RYR1: variants seen among roughly 807,000 people sequenced by gnomAD.
RYR1 encodes central core disease of muscle.
RYR1 carries 342 observed loss-of-function variants against 583.5 expected under a neutral mutation model. The ratio of observed to expected loss-of-function variants is 0.59; its 90% CI spans 0.54 to 0.64. The LOEUF (loss-of-function observed/expected upper bound fraction) is 0.64. Among genes scored for constraint, RYR1 ranks in the 30% least tolerant of loss-of-function variants. The pLI is 0.00. For missense variants in RYR1, 6,032 were observed against 6,917.2 expected, an observed-to-expected ratio of 0.87 and a Z score of 4.54; for synonymous variants, 2,791 against 2,822.5, an observed-to-expected ratio of 0.99 and a Z score of 0.35.
At chr19:38,547,290 A>G (rs1972475902) in intron 88 of RYR1, among the ~76,000 whole-genome samples, 1 of 147,732 alleles carries the variant, frequency 6.8e-6, no homozygotes, top group Admixed American at 6.9e-5. Flanking sequence ...TGACTTCGTG[A>G]TCCTCCCGCC....
chr19:38,584,573 C>T (rs1974376422), intron 101 of RYR1, among the ~76,000 whole-genome samples: 1 of 57,318 alleles, frequency 1.7e-5, no homozygotes, highest in African/African-American at 7.8e-5. Flanking sequence ...ACCCCTCTGC[C>T]TGTGCCCCCC....
In RYR1 at chr19:38,455,967, G is replaced by GTTT. The variant is rs201725585; in HGVS notation, c.1791+236_1791+238dup. On this transcript the variant is annotated intron_variant, in intron 16 of 105. Coordinates refer to ENST00000359596, the MANE Select transcript of RYR1 (RefSeq NM_000540.3). Reference sequence around the variant, plus strand: ...ATGTGCTTGGTTAGATCTCTGAAATGTTTTTTTTTTTTTTTTTTTTTTGAG... The same window carrying GTTT: ...ATGTGCTTGGTTAGATCTCTGAAATGTTTTTTTTTTTTTTTTTTTTTTTTTGAG... 7.3e-3 allele frequency among the ~76,000 whole-genome samples: 796 copies of GTTT among 108,426 alleles called. 26 individuals carry two copies. The highest frequency in any genetic ancestry group is 0.019 in the African/African-American group (508 of 26,184). The allele number at this position is 108,426 out of a possible 152,430, so 71.1% of individuals were successfully genotyped here. A position where few individuals can be genotyped will look rare whatever the true frequency, so the allele number is the denominator to read the frequency against.
Position 38,500,496 on chromosome 19 carries a change from G to C in RYR1, c.7324-110G>C, listed in dbSNP as rs1451548482. ...GGCTGGAAACTCTAGACAGCCTCCT[G>C]AGAAAGAGGCCTGCTCTACCCTCCT... On this transcript the variant is annotated intron_variant, in intron 45 of 105. Coordinates refer to ENST00000359596, the MANE Select transcript of RYR1 (RefSeq NM_000540.3). This position sits in a 1 kb window ranked among gnomAD's most constrained non-coding sequence, Gnocchi z 5.9. 1 of 1,503,136 alleles carries C rather than the reference G, an allele frequency of 6.7e-7. No homozygotes were observed. The allele number at this position is 1,503,136 out of a possible 1,614,324, so 93.1% of individuals were successfully genotyped here. A position where few individuals can be genotyped will look rare whatever the true frequency, so the allele number is the denominator to read the frequency against.
intron 76 of RYR1, among the ~76,000 whole-genome samples, chr19:38,531,707 C>A (rs1489336651): frequency 1.3e-5 from 2 of 152,068 alleles, no homozygotes; most frequent in African/African-American, 4.8e-5. Context: ...GAGTTTGAGA[C>A]CAGCCTGGGC....
chr19:38,508,870 G>T (rs903327267), intron 58 of RYR1, among the ~76,000 whole-genome samples: 1 of 151,956 alleles, frequency 6.6e-6, no homozygotes, highest in African/African-American at 2.4e-5. Context: ...CATAATTCTG[G>T]TGTTCACAGG....
At position 38,446,679 on chromosome 19, in the gene RYR1, C is replaced by G. The variant is rs759410511; in HGVS notation, c.726-15C>G. On this transcript the variant is annotated splice_polypyrimidine_tract_variant and intron_variant, in intron 8 of 105. Transcript: ENST00000359596. ...GGAGCTGAACCCTTGACTTCACTCTCTTCTGTGTCCCCAGACTTGTCTACT... is the reference window on the plus strand; with the variant it reads ...GGAGCTGAACCCTTGACTTCACTCTGTTCTGTGTCCCCAGACTTGTCTACT... 1.7e-5 allele frequency: 28 copies of G among 1,613,336 alleles called. No individual in the cohort carries two copies. Among genetic ancestry groups the G allele is most frequent in the Non-Finnish European group, 2.1e-5 (25 of 1,179,332 alleles).
rs757310944 is a variant in RYR1 at position 38,479,290 on chromosome 19, A to G, written c.4620+690A>G. Among the ~76,000 whole-genome samples the G allele has an allele frequency of 9.8e-5, 15 of 152,376 alleles. No homozygotes were observed. The East Asian group carries it at 2.5e-3, about 25-fold the overall frequency. ...ACCCACCACCTGGAATCTACTATCAATGTTGTAGATATTGGCTTTATCACA... is the reference window on the plus strand; with the variant it reads ...ACCCACCACCTGGAATCTACTATCAGTGTTGTAGATATTGGCTTTATCACA... On this transcript the variant is annotated intron_variant, in intron 31 of 105. Coordinates refer to ENST00000359596, the MANE Select transcript of RYR1 (RefSeq NM_000540.3).
At chr19:38,486,277 ATCC>A (rs1428002067) in intron 34 of RYR1, 75 bp downstream of exon 34, 4 of 1,574,852 alleles carry the variant, frequency 2.5e-6, no homozygotes, top group Admixed American at 3.3e-5. Context: ...ACATGCATCA[ATCC>A]TCCTCTATTT....
At chr19:38,574,581 A>G (rs2145877819) in intron 96 of RYR1, among the ~76,000 whole-genome samples, 1 of 152,030 alleles carries the variant, frequency 6.6e-6, no homozygotes, top group South Asian at 2.1e-4. Context: ...GCAGTGAGCT[A>G]TGATTATGCC....
chr19:38,561,299 C>T lies in RYR1; in HGVS notation c.12469C>T (p.Pro4157Ser). 2 of 1,614,056 alleles carry T rather than the reference C, an allele frequency of 1.2e-6. No individual in the cohort carries two copies. The highest frequency in any genetic ancestry group is 1.3e-5 in the African/African-American group (1 of 75,072). Residue 4157 changes from proline (P) to serine (S), a missense_variant, in exon 90 of 106, where the codon CCT becomes TCT. Transcript: ENST00000359596. This position sits in a 1 kb window ranked among gnomAD's most constrained non-coding sequence, Gnocchi z 4.8. ...TNLSEHVPHD[P>S]RLHNFLELAE... ...CCTGTCGGAGCATGTGCCGCATGAC[C>T]CTCGCCTGCACAACTTCCTGGAGCT...
At chr19:38,555,622 G>A (rs1972848829) in intron 89 of RYR1, among the ~76,000 whole-genome samples, 1 of 152,000 alleles carries the variant, frequency 6.6e-6, no homozygotes, top group African/African-American at 2.4e-5. Context: ...TCTAGTGAGT[G>A]TGCAAATTTC....
intron 13 of RYR1, among the ~76,000 whole-genome samples, chr19:38,453,448 A>G (rs1166351272): frequency 6.6e-6 from 1 of 151,624 alleles, no homozygotes; most frequent in Admixed American, 6.6e-5. Context: ...GGGTGGGCGG[A>G]CAGAATCAGT....
intron 96 of RYR1, among the ~76,000 whole-genome samples, chr19:38,575,280 A>G (rs1246269645): frequency 6.6e-6 from 1 of 152,158 alleles, no homozygotes; most frequent in Non-Finnish European, 1.5e-5. Context: ...TTTTTTGCAC[A>G]TCTGGCTCTG....
intron 89 of RYR1, among the ~76,000 whole-genome samples, chr19:38,550,242 A>T (rs550439771): frequency 6.6e-6 from 1 of 152,184 alleles, no homozygotes; most frequent in South Asian, 2.1e-4. Context: ...TTCTTTGCCA[A>T]CCCAGAACCA....
intron 70 of RYR1, among the ~76,000 whole-genome samples, chr19:38,524,139 T>C (rs1237196106): frequency 7.1e-6 from 1 of 140,448 alleles, no homozygotes; most frequent in Non-Finnish European, 1.5e-5. Context: ...GCAATTTGAC[T>C]TCTTTTCTTT....
Position 38,457,560 on chromosome 19 carries a change from C to T in RYR1, c.1855C>T (p.Leu619Phe). Residue 619 changes from leucine (L) to phenylalanine (F), a missense_variant, in exon 17 of 106, where the codon CTT (leucine) becomes TTT (phenylalanine). Leu to Phe is a conservative substitution (Grantham distance 22). Transcript: ENST00000359596. ...TGTGGCTGTACGCTCCAACCAAGAT[C>T]TTATTACTGAGAACTTGCTGCCTGG... ...NGVAVRSNQD[L>F]ITENLLPGRE... The T allele has an allele frequency of 6.2e-7, 1 of 1,614,174 alleles. No homozygotes were observed. The highest frequency in any genetic ancestry group is 8.5e-7 in the Non-Finnish European group (1 of 1,180,036).
chr19:38,444,494 G>C lies in RYR1; in HGVS notation c.538-90G>C. On this transcript the variant is annotated intron_variant, in intron 6 of 105. Coordinates refer to ENST00000359596, the MANE Select transcript of RYR1 (RefSeq NM_000540.3). The surrounding 1 kb of genome is among the most constrained non-coding windows in gnomAD (Gnocchi z 5.1). ...TCTGTCTCCCATCTGCCGGTTTCCGGGTATCCACCCTTGATTTCTGGCCTC... is the reference window on the plus strand; with the variant it reads ...TCTGTCTCCCATCTGCCGGTTTCCGCGTATCCACCCTTGATTTCTGGCCTC... 1 of 1,158,296 alleles carries C rather than the reference G, an allele frequency of 8.6e-7. No individual in the cohort carries two copies. The highest frequency in any genetic ancestry group is 1.5e-5 in the African/African-American group (1 of 65,660). The allele number at this position is 1,158,296 out of a possible 1,614,324, so 71.8% of individuals were successfully genotyped here.
chr19:38,475,261 G>A (rs1241999666), intron 28 of RYR1, 57 bp from the exon 29 acceptor site: 18 of 1,549,018 alleles, frequency 1.2e-5, no homozygotes, highest in African/African-American at 5.5e-5. Flanking sequence ...TGAATATTGC[G>A]GTGGGAGGGC....
chr19:38,560,988 C>A, intron 89 of RYR1, 125 bp from the exon 90 acceptor site: 1 of 842,000 alleles, frequency 1.2e-6, no homozygotes, highest in Non-Finnish European at 1.9e-6. Flanking sequence ...CTGGGTTGAG[C>A]TGTGATTGCG....
Sources: gnomAD v4.1 joint callset for allele counts (sites outside exome capture counted in the v4.1 genomes callset) on GRCh38, gnomAD v4.1.1 for gene constraint, Gnocchi (gnomAD v3.1) non-coding constraint, MANE v1.5 for transcripts, NCBI Gene and HGNC (gene_info 2026-07-23, HGNC 2026-07-21) for gene names.